Variants in MED12L observed in about 807,000 individuals in gnomAD.
MED12L encodes mediator complex subunit 12L.
MED12L carries 60 observed loss-of-function variants against 281.3 expected under a neutral mutation model. The observed-to-expected ratio is 0.21, with a 90% CI of 0.17 to 0.26. The LOEUF (loss-of-function observed/expected upper bound fraction) is 0.26, where lower values mean the gene tolerates loss of function less well. Among genes scored for constraint, MED12L ranks in the 10% least tolerant of loss-of-function variants. The pLI is 1.00. For missense variants in MED12L, 2,146 were observed against 2,680.9 expected, an observed-to-expected ratio of 0.80 and a Z score of 4.41; for synonymous variants, 974 against 987.2, an observed-to-expected ratio of 0.99 and a Z score of 0.25.
Position 151,430,936 on chromosome 3 carries a change from TTTTTG to T in MED12L, c.6490+575_6490+579del, listed in dbSNP as rs144035864. On this transcript the variant is annotated intron_variant, in intron 44 of 44. Coordinates refer to ENST00000687756, the MANE Select transcript of MED12L (RefSeq NM_001393769.1). ...TCTTGCCTGTAGTGCTGGTGTGGTG[TTTTTG>T]TTTTGTTTTGTTTTGTTTAATGTGC... Among the ~76,000 whole-genome samples, 1,270 of 151,250 alleles carry T rather than the reference TTTTTG, an allele frequency of 8.4e-3. 12 individuals carry two copies. The highest frequency in any genetic ancestry group is 0.029 in the African/African-American group (1,199 of 41,120).
chr3:151,092,665 A>G (rs1480957687), intron 2 of MED12L, among the ~76,000 whole-genome samples: 1 of 152,168 alleles, frequency 6.6e-6, no homozygotes, highest in Non-Finnish European at 1.5e-5. Flanking sequence ...TTGTTTCTTC[A>G]AAAGGGGAGG....
At chr3:151,167,767 T>G (rs1290060106) in intron 11 of MED12L, among the ~76,000 whole-genome samples, 1 of 152,196 alleles carries the variant, frequency 6.6e-6, no homozygotes, top group Non-Finnish European at 1.5e-5. Context: ...TCTTTTTGGG[T>G]GGAAACCTTA....
chr3:151,316,639 A>G (rs1354554132), intron 16 of MED12L: 2 of 152,160 alleles, frequency 1.3e-5, no homozygotes, highest in Non-Finnish European at 2.9e-5. Flanking sequence ...CTTCAAGTTG[A>G]AACAGGTTTC....
At chr3:151,338,579 T>C (rs763576984) in intron 16 of MED12L, 3 of 1,614,070 alleles carry the variant, frequency 1.9e-6, no homozygotes, top group Non-Finnish European at 2.5e-6. Flanking sequence ...TCAGTGGTCC[T>C]GTTCCCAGTT....
chr3:151,134,439 A>C (rs1001586434), intron 5 of MED12L, among the ~76,000 whole-genome samples: 1 of 152,218 alleles, frequency 6.6e-6, no homozygotes, highest in Admixed American at 6.5e-5. Flanking sequence ...CCTCAGCGTA[A>C]GTGTCCAAAC....
intron 22 of MED12L, among the ~76,000 whole-genome samples, chr3:151,365,465 A>G (rs1028752605): frequency 2.6e-5 from 4 of 152,236 alleles, no homozygotes; most frequent in Non-Finnish European, 5.9e-5. Context: ...TTTCAAAAAC[A>G]TATAATAAAA....
chr3:151,321,107 A>G (rs950537669), intron 16 of MED12L, among the ~76,000 whole-genome samples: 1 of 152,198 alleles, frequency 6.6e-6, no homozygotes. Flanking sequence ...GTGGAGTTGG[A>G]ATGATATGCC....
chr3:151,188,243 AT>A, intron 12 of MED12L, 110 bp from the exon 13 acceptor site: 5 of 759,236 alleles, frequency 6.6e-6, no homozygotes, highest in Non-Finnish European at 1.1e-5. Flanking sequence ...ATATCAATTA[AT>A]TTTACATGTT....
intron 16 of MED12L, among the ~76,000 whole-genome samples, chr3:151,306,773 C>G (rs1414141618): frequency 1.3e-5 from 2 of 152,238 alleles, no homozygotes; most frequent in Admixed American, 1.3e-4. Flanking sequence ...TGTTATTGCC[C>G]TCTGGTCAGG....
At chr3:151,243,515 T>C (rs1305027569) in intron 16 of MED12L, among the ~76,000 whole-genome samples, 1 of 152,164 alleles carries the variant, frequency 6.6e-6, no homozygotes, top group Non-Finnish European at 1.5e-5. Flanking sequence ...CCAGCGAAAC[T>C]AAGCTTCATA....
At chr3:151,149,459 C>T (rs1269949752) in intron 5 of MED12L, among the ~76,000 whole-genome samples, 1 of 152,128 alleles carries the variant, frequency 6.6e-6, no homozygotes, top group Non-Finnish European at 1.5e-5. Flanking sequence ...AGGAATACTT[C>T]ATCCCTAAAA....
At chr3:151,330,723 G>C (rs1284996336) in intron 16 of MED12L, among the ~76,000 whole-genome samples, 1 of 152,100 alleles carries the variant, frequency 6.6e-6, no homozygotes, top group Non-Finnish European at 1.5e-5. Flanking sequence ...AGGCAATACA[G>C]TGTCTAATAG....
In MED12L at chr3:151,377,193, T is replaced by C. The variant is rs771632223; in HGVS notation, c.4316+15T>C. On this transcript the variant is annotated intron_variant, in intron 30 of 44. Coordinates refer to ENST00000687756, the MANE Select transcript of MED12L (RefSeq NM_001393769.1). ...ACATTCCTAAGGTATTTTTGTCTGT[T>C]GTTTTATTGAACTGTCATGAATTTT... 1 of 1,596,220 alleles carries C rather than the reference T, an allele frequency of 6.3e-7. No individual in the cohort carries two copies. The highest frequency in any genetic ancestry group is 8.5e-7 in the Non-Finnish European group (1 of 1,172,642).
chr3:151,370,096 T>A (rs1005789320), intron 26 of MED12L, among the ~76,000 whole-genome samples: 3 of 152,206 alleles, frequency 2.0e-5, no homozygotes, highest in Non-Finnish European at 2.9e-5. Flanking sequence ...TTCACAATAA[T>A]TTTTTTCATT....
At chr3:151,354,373 T>C (rs139489178) in intron 17 of MED12L, among the ~76,000 whole-genome samples, 45 of 152,282 alleles carry the variant, frequency 3.0e-4, no homozygotes, top group African/African-American at 1.0e-3. Flanking sequence ...CAAACCTCTT[T>C]ATGCTAATTT....
At chr3:151,263,410 G>T (rs1338316526) in intron 16 of MED12L, among the ~76,000 whole-genome samples, 1 of 152,164 alleles carries the variant, frequency 6.6e-6, no homozygotes. Flanking sequence ...TTCACAATTT[G>T]CTATCATAGT....
intron 16 of MED12L, among the ~76,000 whole-genome samples, chr3:151,216,733 G>T (rs1417965261): frequency 1.3e-5 from 2 of 152,070 alleles, no homozygotes; most frequent in African/African-American, 4.8e-5. Flanking sequence ...CTTCTTTGTA[G>T]GTCTTCTATC....
At chr3:151,411,543 C>T in intron 41 of MED12L, 36 bp downstream of exon 41, 1 of 1,568,430 alleles carries the variant, frequency 6.4e-7, no homozygotes, top group Non-Finnish European at 8.8e-7. Flanking sequence ...CAATAATGAA[C>T]AGTCACATTC....
chr3:151,098,655 A>G (rs1357650712), intron 2 of MED12L, among the ~76,000 whole-genome samples: 1 of 152,170 alleles, frequency 6.6e-6, no homozygotes, highest in Non-Finnish European at 1.5e-5. Flanking sequence ...TTTAGGGCCC[A>G]CCCAGATAAT....
Sources: gnomAD v4.1 joint callset for allele counts (sites outside exome capture counted in the v4.1 genomes callset) on GRCh38, gnomAD v4.1.1 for gene constraint, MANE v1.5 for transcripts, NCBI Gene and HGNC (gene_info 2026-07-23, HGNC 2026-07-21) for gene names.